The following DPYD variants were observed in gnomAD, a reference collection of about 807,000 sequenced individuals.
DPYD encodes the protein dihydropyrimidine dehydrogenase.
DPYD carries 109 observed loss-of-function variants against 116.2 expected under a neutral mutation model. The observed-to-expected ratio is 0.94, with a 90% CI of 0.80 to 1.10. The LOEUF (loss-of-function observed/expected upper bound fraction) is 1.10, where lower values mean the gene tolerates loss of function less well. Among genes scored for constraint, DPYD ranks in the 50% least tolerant of loss-of-function variants. DPYD has a pLI of 0.00. For missense variants in DPYD, 1,302 were observed against 1,254.5 expected, an observed-to-expected ratio of 1.04 and a Z score of -0.57; for synonymous variants, 440 against 432.0, an observed-to-expected ratio of 1.02 and a Z score of -0.23.
chr1:97,156,153 C>CAAATAACT (rs1655436003), intron 20 of DPYD, among the ~76,000 whole-genome samples: 1 of 152,084 alleles, frequency 6.6e-6, no homozygotes, highest in African/African-American at 2.4e-5. Flanking sequence ...ATTTTTAAAT[C>CAAATAACT]TGTAGTTATT....
chr1:97,804,621 T>C (rs1366728732), intron 3 of DPYD, among the ~76,000 whole-genome samples: 4 of 151,816 alleles, frequency 2.6e-5, no homozygotes, highest in Admixed American at 6.6e-5. Flanking sequence ...AAGTATAGCA[T>C]ACTCAATGAT....
chr1:97,353,078 G>C (rs1670234042), intron 16 of DPYD, among the ~76,000 whole-genome samples: 1 of 151,964 alleles, frequency 6.6e-6, no homozygotes, highest in South Asian at 2.1e-4. Flanking sequence ...AGGAAAAAAA[G>C]GAACAAGATG....
At chr1:97,753,063 G>C (rs1665020911) in intron 3 of DPYD, among the ~76,000 whole-genome samples, 1 of 151,916 alleles carries the variant, frequency 6.6e-6, no homozygotes, top group South Asian at 2.1e-4. Context: ...TTATTTAGTA[G>C]GTATTTATGC....
chr1:97,280,331 CAT>C (rs1409468397), intron 18 of DPYD: 1 of 151,902 alleles, frequency 6.6e-6, no homozygotes, highest in Non-Finnish European at 1.5e-5. Flanking sequence ...AAAAACCAAA[CAT>C]AGCTAACATC....
chr1:97,766,770 T>TA (rs1303947325), intron 3 of DPYD, among the ~76,000 whole-genome samples: 1 of 152,156 alleles, frequency 6.6e-6, no homozygotes, highest in Non-Finnish European at 1.5e-5. Flanking sequence ...TAACCAGACT[T>TA]AAAGAAAACA....
intron 16 of DPYD, among the ~76,000 whole-genome samples, chr1:97,345,500 A>T (rs1280178047): frequency 6.6e-6 from 1 of 152,010 alleles, no homozygotes; most frequent in Non-Finnish European, 1.5e-5. Flanking sequence ...CATTTTGAAA[A>T]CACAAAAATG....
intron 13 of DPYD, among the ~76,000 whole-genome samples, chr1:97,451,401 T>C (rs1383687410): frequency 2.6e-5 from 4 of 152,192 alleles, no homozygotes; most frequent in Non-Finnish European, 4.4e-5. Context: ...TTTCTGGTAA[T>C]TTACATTCAC....
At chr1:97,899,465 C>A (rs1283408731) in intron 1 of DPYD, among the ~76,000 whole-genome samples, 1 of 151,808 alleles carries the variant, frequency 6.6e-6, no homozygotes, top group Non-Finnish European at 1.5e-5. Flanking sequence ...TTTATTCTTT[C>A]ACCATAATAA....
At chr1:97,173,340 A>G (rs539804801) in intron 20 of DPYD, among the ~76,000 whole-genome samples, 9 of 150,778 alleles carry the variant, frequency 6.0e-5, no homozygotes, top group East Asian at 2.0e-4. Flanking sequence ...ATATGTGTAT[A>G]TATGCACACA....
intron 20 of DPYD, among the ~76,000 whole-genome samples, chr1:97,132,045 T>G (rs1354665455): frequency 6.6e-6 from 1 of 152,074 alleles, no homozygotes; most frequent in Non-Finnish European, 1.5e-5. Flanking sequence ...AACTAAAAAT[T>G]TGAAGAATAT....
chr1:97,914,334 T>A (rs906774800), intron 1 of DPYD, among the ~76,000 whole-genome samples: 3 of 152,118 alleles, frequency 2.0e-5, no homozygotes, highest in African/African-American at 4.8e-5. Flanking sequence ...TAGAAAAAAA[T>A]TGTTTTTGAA....
chr1:97,106,303 T>A (rs1256183584), intron 20 of DPYD, among the ~76,000 whole-genome samples: 1 of 152,156 alleles, frequency 6.6e-6, no homozygotes, highest in Admixed American at 6.6e-5. Flanking sequence ...GGTTAAGAGA[T>A]GATGCCCAGG....
At chr1:97,543,739 A>G (rs1294427156) in intron 12 of DPYD, among the ~76,000 whole-genome samples, 1 of 152,214 alleles carries the variant, frequency 6.6e-6, no homozygotes, top group Admixed American at 6.5e-5. Context: ...CCTTAAATGT[A>G]TTTAAGATAA....
intron 7 of DPYD, among the ~76,000 whole-genome samples, chr1:97,681,307 T>C (rs1557879617): frequency 6.6e-6 from 1 of 152,114 alleles, no homozygotes; most frequent in Non-Finnish European, 1.5e-5. Context: ...GAACAGCATA[T>C]TATACGTGAA....
chr1:97,370,763 A>G (rs1671274421), intron 16 of DPYD, among the ~76,000 whole-genome samples: 1 of 152,184 alleles, frequency 6.6e-6, no homozygotes, highest in African/African-American at 2.4e-5. Context: ...CATATTTTAG[A>G]GATGGACACT....
At chr1:97,168,593 A>T (rs1354934497) in intron 20 of DPYD, among the ~76,000 whole-genome samples, 1 of 152,174 alleles carries the variant, frequency 6.6e-6, no homozygotes, top group African/African-American at 2.4e-5. Context: ...TTGAATTTTC[A>T]TTCTCCCTAT....
intron 2 of DPYD, among the ~76,000 whole-genome samples, chr1:97,837,853 G>A (rs1329556260): frequency 6.6e-6 from 1 of 152,060 alleles, no homozygotes; most frequent in Non-Finnish European, 1.5e-5. Flanking sequence ...GCAAATAGAA[G>A]CAGGGATCTG....
rs934457928 is a variant in DPYD, at chr1:97,289,536, C to T, written c.2299+15723G>A. ...TGGGATGCAAGGCTGGTTCAACATA[C>T]GCAAATCAATAAATGTAATCCAGCA... On this transcript the variant is annotated intron_variant, in intron 18 of 22. Coordinates refer to ENST00000370192, the MANE Select transcript of DPYD (RefSeq NM_000110.4). Among the ~76,000 whole-genome samples the T allele has an allele frequency of 8.7e-3, 1,323 of 151,294 alleles. 25 individuals carry two copies. Among genetic ancestry groups the T allele is most frequent in the African/African-American group, 0.03 (1,232 of 41,334 alleles).
At chr1:97,221,389 G>C (rs1309755332) in intron 19 of DPYD, among the ~76,000 whole-genome samples, 1 of 128,374 alleles carries the variant, frequency 7.8e-6, no homozygotes. Context: ...TGAACCCAAG[G>C]AAATTACAAA....
Sources: allele counts gnomAD v4.1 joint callset (sites outside exome capture counted in the v4.1 genomes callset), GRCh38; gene constraint gnomAD v4.1.1; transcripts MANE v1.5; gene names NCBI Gene and HGNC (gene_info 2026-07-23, HGNC 2026-07-21).